Variants in GNPTAB observed in about 807,000 individuals in gnomAD.
GNPTAB encodes the protein N-acetylglucosamine-1-phosphotransferase subunits alpha/beta.
GNPTAB carries 92 observed loss-of-function variants against 136.6 expected under a neutral mutation model. That is an observed-to-expected ratio of 0.67 (90% CI 0.57 to 0.80). The LOEUF is 0.80. GNPTAB is among the 30% of genes least tolerant of loss of function. The probability of loss-of-function intolerance (pLI) is 0.00; values close to 1 mark genes in which losing one functional copy is unlikely to be tolerated. For missense variants in GNPTAB, 1,343 were observed against 1,501.8 expected, an observed-to-expected ratio of 0.89 and a Z score of 1.75; for synonymous variants, 512 against 535.1, an observed-to-expected ratio of 0.96 and a Z score of 0.60.
chr12:101,813,778 T>G (rs1870361240), intron 1 of GNPTAB, among the ~76,000 whole-genome samples: 3 of 151,990 alleles, frequency 2.0e-5, no homozygotes, highest in Admixed American at 2.0e-4. Flanking sequence ...GGCAGGAGGA[T>G]CACTTGAGCT....
intron 1 of GNPTAB, among the ~76,000 whole-genome samples, chr12:101,797,442 C>T (rs144012325): frequency 0.013 from 1,953 of 151,930 alleles, 27 homozygotes; most frequent in Non-Finnish European, 0.02. Flanking sequence ...CTGGGCAACA[C>T]GGTGAAACCC....
At chr12:101,824,692 C>T (rs989465066) in intron 1 of GNPTAB, among the ~76,000 whole-genome samples, 3 of 151,688 alleles carry the variant, frequency 2.0e-5, no homozygotes, top group African/African-American at 7.3e-5. Flanking sequence ...CTTTCGAACT[C>T]GCCTTGGCCT....
chr12:101,815,406 TATAAAGAA>T (rs1459993313), intron 1 of GNPTAB, among the ~76,000 whole-genome samples: 8 of 152,132 alleles, frequency 5.3e-5, no homozygotes, highest in Non-Finnish European at 1.0e-4. Context: ...CCTTCTATAT[TATAAAGAA>T]ATAAAGAGAC....
Position 101,819,446 on chromosome 12 carries a change from A to G in GNPTAB, c.117+11113T>C, listed in dbSNP as rs537667464. On this transcript the variant is annotated intron_variant, in intron 1 of 20. Coordinates refer to ENST00000299314, the MANE Select transcript of GNPTAB (RefSeq NM_024312.5). ...TGAACAACTTCTGAAAATTTGCTTTAGAAGCTTTATCTAATTGGGAATTAA... is the reference window on the plus strand; with the variant it reads ...TGAACAACTTCTGAAAATTTGCTTTGGAAGCTTTATCTAATTGGGAATTAA... 2.0e-4 allele frequency among the ~76,000 whole-genome samples: 31 copies of G among 152,372 alleles called. No individual in the cohort carries two copies. In the South Asian group the frequency reaches 6.4e-3, roughly 32 times the overall value.
intron 15 of GNPTAB, 80 bp downstream of exon 15, chr12:101,761,047 C>T: frequency 9.7e-7 from 1 of 1,030,658 alleles, no homozygotes; most frequent in Non-Finnish European, 1.5e-6. Context: ...GCTGGGATTA[C>T]AGGTGTGAGC....
chr12:101,811,036 C>A (rs1870202767), intron 1 of GNPTAB, among the ~76,000 whole-genome samples: 1 of 152,350 alleles, frequency 6.6e-6, no homozygotes, highest in Admixed American at 6.5e-5. Context: ...TCAGCCTCTA[C>A]CTTTGCCTTG....
In GNPTAB at chr12:101,770,008, C is replaced by T; in HGVS notation, c.1284+13G>A. The T allele has an allele frequency of 1.2e-6, 2 of 1,613,138 alleles. No homozygotes were observed. Among genetic ancestry groups the T allele is most frequent in the Non-Finnish European group, 1.7e-6 (2 of 1,179,468 alleles). The stretch of plus-strand genomic sequence containing the variant: ...TTCCACGCTAGACAACCCCCCTCCT[C>T]TTAGGCACTCACCTTCTGGCCTTTG... On this transcript the variant is annotated intron_variant, in intron 10 of 20. Transcript: ENST00000299314.
intron 1 of GNPTAB, among the ~76,000 whole-genome samples, chr12:101,825,519 T>C (rs980674970): frequency 6.6e-6 from 1 of 152,208 alleles, no homozygotes; most frequent in African/African-American, 2.4e-5. Context: ...ATCAAGTATT[T>C]ATTCAGCATC....
At chr12:101,748,986 G>A in intron 20 of GNPTAB, 115 bp downstream of exon 20, 1 of 712,388 alleles carries the variant, frequency 1.4e-6, no homozygotes, top group Non-Finnish European at 2.5e-6. Flanking sequence ...TGAGCTATAA[G>A]ACAATAAGAG....
At chr12:101,776,583 T>A (rs1027978769) in intron 7 of GNPTAB, among the ~76,000 whole-genome samples, 1 of 152,250 alleles carries the variant, frequency 6.6e-6, no homozygotes, top group Non-Finnish European at 1.5e-5. Flanking sequence ...AACTTCAGGT[T>A]TTGTTCTAAA....
At chr12:101,805,894 C>T (rs988046082) in intron 1 of GNPTAB, among the ~76,000 whole-genome samples, 3 of 151,544 alleles carry the variant, frequency 2.0e-5, no homozygotes, top group Non-Finnish European at 4.4e-5. Context: ...CCATTATTAC[C>T]GATAAAAACG....
At chr12:101,817,433 A>G (rs544081662) in intron 1 of GNPTAB, among the ~76,000 whole-genome samples, 3 of 151,784 alleles carry the variant, frequency 2.0e-5, no homozygotes, top group African/African-American at 7.3e-5. Context: ...ACACCTAGCT[A>G]AGTTTTGTAT....
chr12:101,763,089 G>A (rs1385858101), intron 13 of GNPTAB, among the ~76,000 whole-genome samples: 1 of 151,792 alleles, frequency 6.6e-6, no homozygotes, highest in Admixed American at 6.6e-5. Context: ...AGGCATGCTG[G>A]CACATGCCTG....
intron 16 of GNPTAB, 121 bp downstream of exon 16, chr12:101,759,909 C>T: frequency 1.4e-6 from 1 of 726,860 alleles, no homozygotes; most frequent in Admixed American, 2.0e-5. Flanking sequence ...TGTTTTGCAA[C>T]AAAGACATAT....
intron 1 of GNPTAB, among the ~76,000 whole-genome samples, chr12:101,824,888 T>C (rs1015788099): frequency 5.9e-5 from 9 of 152,142 alleles, no homozygotes; most frequent in African/African-American, 1.9e-4. Context: ...CACTAGTAAT[T>C]CAAAAAGAAA....
chr12:101,756,111 G>A (rs1440179495), intron 18 of GNPTAB: 3 of 153,468 alleles, frequency 2.0e-5, no homozygotes, highest in African/African-American at 7.2e-5. Context: ...ATGCAAAGAG[G>A]GCTGTACGCT....
chr12:101,749,320 A>G (rs555521832), intron 19 of GNPTAB, 129 bp from the exon 20 acceptor site: 52 of 709,486 alleles, frequency 7.3e-5, no homozygotes, highest in African/African-American at 7.1e-4. Flanking sequence ...TTGCAATTCT[A>G]AAATGCTCAC....
intron 19 of GNPTAB, among the ~76,000 whole-genome samples, chr12:101,751,634 GCTA>G (rs1417050155): frequency 6.6e-6 from 1 of 152,226 alleles, no homozygotes; most frequent in Non-Finnish European, 1.5e-5. Context: ...CCACTTGCCA[GCTA>G]CTTCAGCTGG....
chr12:101,770,983 G>A lies in GNPTAB; in HGVS notation c.933+13C>T. On this transcript the variant is annotated intron_variant, in intron 8 of 20. Transcript: ENST00000299314. ...TTTGATTTGGGCTGTAAAAGCTTCTGTGCATCCCTTACCTGGCTGATGGCG... is the reference window on the plus strand; with the variant it reads ...TTTGATTTGGGCTGTAAAAGCTTCTATGCATCCCTTACCTGGCTGATGGCG... 6.2e-7 allele frequency: 1 copy of A among 1,613,030 alleles called. No individual in the cohort carries two copies. The highest frequency in any genetic ancestry group is 8.5e-7 in the Non-Finnish European group (1 of 1,179,072).
Sources: gnomAD v4.1 joint callset for allele counts (sites outside exome capture counted in the v4.1 genomes callset) on GRCh38, gnomAD v4.1.1 for gene constraint, MANE v1.5 for transcripts, NCBI Gene and HGNC (gene_info 2026-07-23, HGNC 2026-07-21) for gene names.